SSH2: variants seen among roughly 807,000 people sequenced by gnomAD.
SSH2 encodes the protein protein phosphatase Slingshot homolog 2.
A neutral mutation model predicts 135.2 loss-of-function variants in SSH2; 37 were observed. The observed-to-expected ratio is 0.27, with a 90% CI of 0.21 to 0.36. The LOEUF (loss-of-function observed/expected upper bound fraction) is 0.36, where lower values mean the gene tolerates loss of function less well. Among genes scored for constraint, SSH2 ranks in the 10% least tolerant of loss-of-function variants. SSH2 has a pLI of 1.00. For missense variants in SSH2, 1,408 were observed against 1,765.3 expected, an observed-to-expected ratio of 0.80 and a Z score of 3.63; for synonymous variants, 628 against 646.2, an observed-to-expected ratio of 0.97 and a Z score of 0.43.
chr17:29,893,672 G>A (rs544643961), intron 1 of SSH2, among the ~76,000 whole-genome samples: 2 of 152,214 alleles, frequency 1.3e-5, no homozygotes, highest in South Asian at 2.1e-4. Flanking sequence ...GCAGGAATGA[G>A]ACTATGACAA....
intron 9 of SSH2, among the ~76,000 whole-genome samples, chr17:29,668,774 T>C (rs2151037137): frequency 6.6e-6 from 1 of 152,140 alleles, no homozygotes; most frequent in East Asian, 1.9e-4. Flanking sequence ...TTTTAGTACC[T>C]GTGTTCATGG....
chr17:29,877,575 C>A (rs192807995), intron 1 of SSH2, among the ~76,000 whole-genome samples: 31 of 152,258 alleles, frequency 2.0e-4, no homozygotes, highest in African/African-American at 7.5e-4. Flanking sequence ...TTTGCAACAA[C>A]ATGAATGAAA....
chr17:29,840,656 A>T (rs62068620), intron 2 of SSH2, among the ~76,000 whole-genome samples: 62,012 of 152,002 alleles, frequency 0.41, 14,853 homozygotes, highest in East Asian at 0.69. Context: ...GAGCTGAAGT[A>T]TGAACTTCAT....
At chr17:29,784,556 C>G (rs912018083) in intron 3 of SSH2, among the ~76,000 whole-genome samples, 5 of 150,456 alleles carry the variant, frequency 3.3e-5, no homozygotes, top group African/African-American at 1.2e-4. Context: ...GAGATTGCAC[C>G]CCACTGCACT....
chr17:29,917,662 G>A (rs150690718), intron 1 of SSH2, among the ~76,000 whole-genome samples: 2,014 of 152,188 alleles, frequency 0.013, 38 homozygotes, highest in African/African-American at 0.047. Flanking sequence ...ATCCCATCCT[G>A]GCTAACATGG....
intron 3 of SSH2, among the ~76,000 whole-genome samples, chr17:29,703,283 C>T (rs545943571): frequency 1.3e-5 from 2 of 152,304 alleles, no homozygotes; most frequent in Admixed American, 1.3e-4. Context: ...GAGTCTTGCT[C>T]TGTTGCCCAG....
At chr17:29,681,331 C>CAAAAAAAAAAAA (rs764461213) in intron 6 of SSH2, among the ~76,000 whole-genome samples, 1 of 14,340 alleles carries the variant, frequency 7.0e-5, no homozygotes, top group Non-Finnish European at 1.2e-4. Context: ...GAGACTGTCT[C>CAAAAAAAAAAAA]AAAAAAAAAA....
intron 12 of SSH2, 57 bp from the exon 13 acceptor site, chr17:29,650,857 C>T (rs2036554854): frequency 7.1e-7 from 1 of 1,406,542 alleles, no homozygotes; most frequent in Non-Finnish European, 9.5e-7. Flanking sequence ...ATCCAATTCC[C>T]AGCACTGTTT....
At chr17:29,678,205 T>C (rs2151062004) in intron 6 of SSH2, among the ~76,000 whole-genome samples, 1 of 151,980 alleles carries the variant, frequency 6.6e-6, no homozygotes, top group East Asian at 1.9e-4. Flanking sequence ...GCAATTCCCC[T>C]GCCTTAGCCT....
intron 2 of SSH2, among the ~76,000 whole-genome samples, chr17:29,833,705 CTCTCTTTCCCTCCT>C (rs2042889898): frequency 8.3e-6 from 1 of 121,060 alleles, no homozygotes; most frequent in South Asian, 3.3e-4. Flanking sequence ...CCTTCCCTCC[CTCTCTTTCCCTCCT>C]TCCCTCCCTC....
intron 1 of SSH2, chr17:29,929,296 A>G (rs1567660605): frequency 1.3e-5 from 2 of 153,918 alleles, no homozygotes; most frequent in African/African-American, 2.4e-5. Flanking sequence ...ATCACTAAGC[A>G]GCACCAGATG....
chr17:29,899,555 A>C (rs2066507876), intron 1 of SSH2, among the ~76,000 whole-genome samples: 1 of 152,182 alleles, frequency 6.6e-6, no homozygotes, highest in Non-Finnish European at 1.5e-5. Context: ...TAAAATACCT[A>C]GGAATCCAAC....
chr17:29,854,016 CTAA>C, intron 1 of SSH2, among the ~76,000 whole-genome samples: 1 of 151,666 alleles, frequency 6.6e-6, no homozygotes, highest in East Asian at 1.9e-4. Context: ...ACTGCTGCTT[CTAA>C]TAATAATAAT....
intron 14 of SSH2, among the ~76,000 whole-genome samples, chr17:29,638,102 A>C (rs2035990324): frequency 6.6e-6 from 1 of 152,180 alleles, no homozygotes; most frequent in African/African-American, 2.4e-5. Context: ...TGACACAGCG[A>C]GACTCCATCT....
intron 1 of SSH2, among the ~76,000 whole-genome samples, chr17:29,914,072 G>A (rs1375819186): frequency 6.6e-6 from 1 of 152,168 alleles, no homozygotes; most frequent in Non-Finnish European, 1.5e-5. Context: ...CACAGTCCTA[G>A]TGAAGGGTTT....
At chr17:29,894,518 G>A (rs2066406666) in intron 1 of SSH2, among the ~76,000 whole-genome samples, 1 of 151,890 alleles carries the variant, frequency 6.6e-6, no homozygotes. Flanking sequence ...TACCTACTTC[G>A]ATGTAAATAC....
chr17:29,680,580 A>AAAG, intron 6 of SSH2, among the ~76,000 whole-genome samples: 1 of 149,260 alleles, frequency 6.7e-6, no homozygotes, highest in African/African-American at 2.5e-5. Flanking sequence ...AAAAAAAAAA[A>AAAG]GAGTGATTCC....
In SSH2 at chr17:29,636,766, T is replaced by C; in HGVS notation, c.1464A>G (p.Ser488=). ...QRHNKLWRSH[S]DSDLSDHHEP... ...CGTGGTGGTCTGAGAGGTCACTATC[T>C]GAATGAGATCTCCATAGTTTGTTAT... The change falls in exon 15 of 16, where the codon TCA becomes TCG. Residue 488 remains serine (S), a synonymous_variant. Coordinates refer to ENST00000540801, the MANE Select transcript of SSH2 (RefSeq NM_001282129.2). 1 of 1,613,456 alleles carries C rather than the reference T, an allele frequency of 6.2e-7. No individual in the cohort carries two copies. Among genetic ancestry groups the C allele is most frequent in the Non-Finnish European group, 8.5e-7 (1 of 1,179,622 alleles).
chr17:29,735,021 T>C (rs927107123), intron 3 of SSH2, among the ~76,000 whole-genome samples: 2 of 151,852 alleles, frequency 1.3e-5, no homozygotes, highest in African/African-American at 4.8e-5. Flanking sequence ...GGTTCAAAAT[T>C]GGGGGTGGGG....
Sources: gnomAD v4.1 joint callset for allele counts (sites outside exome capture counted in the v4.1 genomes callset) on GRCh38, gnomAD v4.1.1 for gene constraint, MANE v1.5 for transcripts, NCBI Gene and HGNC (gene_info 2026-07-23, HGNC 2026-07-21) for gene names.